PFKFB4: variants seen among roughly 807,000 people sequenced by gnomAD.
PFKFB4 encodes 6-phosphofructo-2-kinase/fructose-2,6-biphosphatase 4, also known as 6-phosphofructo-2-kinase/fructose-2,6-bisphosphatase 4.
In PFKFB4, 42 loss-of-function variants were observed where a neutral mutation model predicts 62.8. The observed-to-expected ratio is 0.67, with a 90% CI of 0.52 to 0.86. The LOEUF (loss-of-function observed/expected upper bound fraction) is 0.86, where lower values mean the gene tolerates loss of function less well. PFKFB4 is among the 40% of genes least tolerant of loss of function. PFKFB4 has a pLI of 0.00. For synonymous variants in PFKFB4, 204 were observed against 240.7 expected (o/e 0.85, Z 1.41); for missense variants, 475 against 627.2 (o/e 0.76, Z 2.59).
In PFKFB4 at chr3:48,518,383, C is replaced by G. The variant is rs1022875254; in HGVS notation, c.*1364G>C. The G allele has an allele frequency of 2.0e-5, 3 of 152,364 alleles. No homozygotes were observed. Among genetic ancestry groups the G allele is most frequent in the African/African-American group, 7.2e-5 (3 of 41,468 alleles). 9.4% of individuals were successfully genotyped at this position (152,364 alleles called of 1,614,324 possible). A position where few individuals can be genotyped will look rare whatever the true frequency, so the allele number is the denominator to read the frequency against. ...CCCTCCAGGCACAGGCCAGGAAAGG[C>G]TCCGGACACAAAGGACTTGGGATCC... On this transcript the variant is annotated 3_prime_UTR_variant, in exon 14 of 14. Transcript: ENST00000232375.
chr3:48,558,044 A>G (rs929575713), upstream of PFKFB4, among the ~76,000 whole-genome samples: 1 of 152,154 alleles, frequency 6.6e-6, no homozygotes, highest in African/African-American at 2.4e-5. Context: ...TGTCTATCTT[A>G]CAGTATTACA....
chr3:48,551,113 C>T (rs760062919), intron 1 of PFKFB4, among the ~76,000 whole-genome samples: 13 of 152,038 alleles, frequency 8.6e-5, no homozygotes, highest in South Asian at 2.1e-4. Context: ...GCTAGAGGCA[C>T]GGAAGGATCT....
chr3:48,523,833 G>T lies in PFKFB4; in HGVS notation c.1093-3C>A, dbSNP rs1348242359. On this transcript the variant is annotated splice_region_variant and splice_polypyrimidine_tract_variant and intron_variant, in intron 10 of 13. Coordinates refer to ENST00000232375, the MANE Select transcript of PFKFB4 (RefSeq NM_004567.4). ...CTCTGGACCAGGTCCTCGTAGGACT[G>T]CAAGGGCAAGCAGAGAGGGGTCCCT... The T allele has an allele frequency of 3.1e-6, 5 of 1,613,032 alleles. No homozygotes were observed. Among genetic ancestry groups the T allele is most frequent in the African/African-American group, 2.7e-5 (2 of 74,936 alleles).
chr3:48,556,697 G>A lies in PFKFB4; in HGVS notation c.81C>T (p.His27=), dbSNP rs1288996511. ...CCGCCTCACCACCGCGCTGGCAAGC[G>A]TGCAGAGCGGGCCGCCCATTGCTGT... is the stretch of plus-strand genomic sequence containing the variant. ...MPYSNGRPAL[H]ACQRGVCMTN... Residue 27 remains histidine (H), a synonymous_variant, in exon 1 of 14, where the codon CAC becomes CAT. Transcript: ENST00000232375. The surrounding 1 kb of genome is among the most constrained non-coding windows in gnomAD (Gnocchi z 5.7). The A allele has an allele frequency of 1.9e-6, 3 of 1,603,998 alleles. No individual in the cohort carries two copies. Among genetic ancestry groups the A allele is most frequent in the South Asian group, 1.1e-5 (1 of 90,710 alleles).
rs760839014 is a variant in PFKFB4 at position 48,521,775 on chromosome 3, TC to T, written c.1350+210del. 7.9e-5 allele frequency among the ~76,000 whole-genome samples: 12 copies of T among 152,290 alleles called. No homozygotes were observed. Among genetic ancestry groups the T allele is most frequent in the Non-Finnish European group, 1.8e-4 (12 of 68,016 alleles). ...GCCTGGTGGCCCAGAGTCAGGGATT[TC>T]CCCATCCCCAGGGCAGGTGCCTTGG... On this transcript the variant is annotated intron_variant, in intron 13 of 13. Coordinates refer to ENST00000232375, the MANE Select transcript of PFKFB4 (RefSeq NM_004567.4). This position sits in a 1 kb window ranked among gnomAD's most constrained non-coding sequence, Gnocchi z 5.3.
At chr3:48,523,664 C>A in intron 11 of PFKFB4, 37 bp downstream of exon 11, 2 of 1,614,002 alleles carry the variant, frequency 1.2e-6, no homozygotes, top group East Asian at 4.5e-5. Flanking sequence ...TACCTTCTCA[C>A]ACAACCTTCC....
Position 48,538,551 on chromosome 3 carries a change from C to T in PFKFB4, c.579G>A (p.Arg193=), listed in dbSNP as rs761546480. 1.3e-5 allele frequency: 21 copies of T among 1,614,060 alleles called. No individual in the cohort carries two copies. Among genetic ancestry groups the T allele is most frequent in the Non-Finnish European group, 1.7e-5 (20 of 1,180,036 alleles). The change falls in exon 7 of 14, where the codon AGG becomes AGA. Residue 193 remains arginine (R), a synonymous_variant. Coordinates refer to ENST00000232375, the MANE Select transcript of PFKFB4 (RefSeq NM_004567.4). ...DSDEATEDFM[R]RIECYENSYE... ...AGGAGTTCTCATAGCACTCAATGCG[C>T]CTCATGAAGTCCTCCGTAGCCTCAT...
chr3:48,545,571 G>C (rs2042936446), intron 3 of PFKFB4, among the ~76,000 whole-genome samples: 1 of 152,134 alleles, frequency 6.6e-6, no homozygotes, highest in Non-Finnish European at 1.5e-5. Flanking sequence ...TGGTAGAGCT[G>C]AGTCCAGGGC....
Position 48,523,257 on chromosome 3 carries a change from G to A in PFKFB4, c.1285+280C>T, listed in dbSNP as rs145793401. ...AAATTAGCTGGGCATGGTGGCAGGC[G>A]CCTGTAATCCTAGCTACTCGGGAGG... On this transcript the variant is annotated intron_variant, in intron 12 of 13. Coordinates refer to ENST00000232375, the MANE Select transcript of PFKFB4 (RefSeq NM_004567.4). 6.2e-3 allele frequency among the ~76,000 whole-genome samples: 947 copies of A among 152,138 alleles called. 7 individuals carry two copies. The highest frequency in any genetic ancestry group is 0.01 in the Middle Eastern group (3 of 294).
chr3:48,553,200 G>A (rs988369419), intron 1 of PFKFB4, among the ~76,000 whole-genome samples: 1 of 152,212 alleles, frequency 6.6e-6, no homozygotes, highest in Non-Finnish European at 1.5e-5. Flanking sequence ...ATAGCTGGGC[G>A]TGATGGCACA....
intron 1 of PFKFB4, chr3:48,555,993 G>A (rs769031467): frequency 2.4e-5 from 10 of 416,360 alleles, no homozygotes; most frequent in Middle Eastern, 6.8e-4. Context: ...TAGGAGAGGT[G>A]AGCCCCTTAA....
chr3:48,530,191 TA>T (rs2042388080), intron 9 of PFKFB4, among the ~76,000 whole-genome samples: 1 of 152,034 alleles, frequency 6.6e-6, no homozygotes, highest in Admixed American at 6.6e-5. Context: ...AGGTAGAGGT[TA>T]CAGTGAGCTG....
intron 3 of PFKFB4, among the ~76,000 whole-genome samples, chr3:48,546,555 G>A (rs1261304501): frequency 6.6e-6 from 1 of 152,220 alleles, no homozygotes; most frequent in Non-Finnish European, 1.5e-5. Flanking sequence ...GTGGGTGACT[G>A]CATGTGTGTG....
At position 48,550,295 on chromosome 3, in the gene PFKFB4, T is replaced by G. The variant is rs1172218441; in HGVS notation, c.98-61A>C. 3.7e-6 allele frequency: 4 copies of G among 1,075,592 alleles called. No homozygotes were observed. In the African/African-American group the frequency reaches 4.6e-5, roughly 12 times the overall value. 66.6% of individuals were successfully genotyped at this position (1,075,592 alleles called of 1,614,324 possible). ...GGGACCCTCCCAGCGCACCCCTCCC[T>G]CTCAGCCTGTGGTCTCTCAGCCTCA... On this transcript the variant is annotated intron_variant, in intron 1 of 13. Coordinates refer to ENST00000232375, the MANE Select transcript of PFKFB4 (RefSeq NM_004567.4).
At chr3:48,538,700 G>C in intron 6 of PFKFB4, 81 bp from the exon 7 acceptor site, 1 of 1,577,126 alleles carries the variant, frequency 6.3e-7, no homozygotes, top group Non-Finnish European at 8.6e-7. Flanking sequence ...CTGCTGGGCA[G>C]GGGGCTGGAG....
At chr3:48,562,710 T>A, upstream of PFKFB4, 3 of 1,363,406 alleles carry the variant, frequency 2.2e-6, no homozygotes, top group Non-Finnish European at 2.9e-6. The surrounding 1 kb of genome is among the most constrained non-coding windows in gnomAD (Gnocchi z 4.3). Flanking sequence ...TGTGGCAGCA[T>A]CCGTCCAGCT....
At chr3:48,533,046 A>T (rs920527721) in intron 9 of PFKFB4, among the ~76,000 whole-genome samples, 2 of 152,154 alleles carry the variant, frequency 1.3e-5, no homozygotes, top group Non-Finnish European at 2.9e-5. Context: ...TTTCTTTTTA[A>T]AATTTTTTTA....
At chr3:48,533,765 A>T (rs1346812281) in intron 9 of PFKFB4, among the ~76,000 whole-genome samples, 1 of 152,182 alleles carries the variant, frequency 6.6e-6, no homozygotes, top group Admixed American at 6.5e-5. Context: ...GAGGCACAAG[A>T]ATCGCTTGAA....
At chr3:48,561,050 A>T, upstream of PFKFB4, 1 of 1,276,714 alleles carries the variant, frequency 7.8e-7, no homozygotes, top group Non-Finnish European at 1.0e-6. The surrounding 1 kb of genome is among the most constrained non-coding windows in gnomAD (Gnocchi z 5.2). Context: ...TCCCGTGCCT[A>T]CCCCGCCTGC....
Sources: gnomAD v4.1 joint callset for allele counts (sites outside exome capture counted in the v4.1 genomes callset) on GRCh38, gnomAD v4.1.1 for gene constraint, Gnocchi (gnomAD v3.1) non-coding constraint, MANE v1.5 for transcripts, NCBI Gene and HGNC (gene_info 2026-07-23, HGNC 2026-07-21) for gene names.